Variants in UTRN observed in about 807,000 individuals in gnomAD.
The protein encoded by UTRN is utrophin.
In UTRN, 283 loss-of-function variants were observed where a neutral mutation model predicts 463.9. The ratio of observed to expected loss-of-function variants is 0.61; its 90% CI spans 0.55 to 0.67. The LOEUF is 0.67. Ranked by LOEUF, UTRN falls within the 30% of genes least tolerant of loss-of-function variation. The probability of loss-of-function intolerance (pLI) is 0.00; values close to 1 mark genes in which losing one functional copy is unlikely to be tolerated. For synonymous variants in UTRN, 1,442 were observed against 1,431.5 expected (o/e 1.01, Z -0.17); for missense variants, 3,922 against 4,084.3 (o/e 0.96, Z 1.08).
intron 54 of UTRN, among the ~76,000 whole-genome samples, chr6:144,744,091 C>T (rs1284698284): frequency 1.4e-5 from 2 of 145,876 alleles, no homozygotes; most frequent in Non-Finnish European, 3.0e-5. Flanking sequence ...AGTTTGAGAC[C>T]AGCCTGGGTA....
At chr6:144,684,626 G>C (rs953657835) in intron 52 of UTRN, among the ~76,000 whole-genome samples, 1 of 152,108 alleles carries the variant, frequency 6.6e-6, no homozygotes, top group Admixed American at 6.6e-5. Flanking sequence ...CTGGCCATGT[G>C]CATCTGAATG....
chr6:144,666,899 C>T (rs757236465), intron 51 of UTRN, among the ~76,000 whole-genome samples: 1 of 152,190 alleles, frequency 6.6e-6, no homozygotes, highest in African/African-American at 2.4e-5. Context: ...ATCGCCTGAT[C>T]TGATGTGAGA....
chr6:144,782,247 T>C (rs1156362836), intron 61 of UTRN, 124 bp downstream of exon 61: 4 of 822,034 alleles, frequency 4.9e-6, no homozygotes. Context: ...TGGAAATATT[T>C]ATGTTTGTTG....
At chr6:144,834,969 G>A (rs981945688) in intron 69 of UTRN, among the ~76,000 whole-genome samples, 1 of 152,206 alleles carries the variant, frequency 6.6e-6, no homozygotes, top group East Asian at 1.9e-4. Flanking sequence ...TGCCCTGCTA[G>A]TATTAGCCAG....
rs756359651 is a variant in UTRN, at chr6:144,423,555, G to C, written c.241G>C (p.Glu81Gln). 6.8e-6 allele frequency: 11 copies of C among 1,614,052 alleles called. No individual in the cohort carries two copies. Among genetic ancestry groups the C allele is most frequent in the Non-Finnish European group, 8.5e-7 (1 of 1,180,030 alleles). The change falls in exon 5 of 75, where the codon GAA (glutamate) becomes CAA (glutamine). Residue 81 changes from glutamate (E) to glutamine (Q), a missense_variant. Glu to Gln is a conservative substitution (Grantham distance 29). Around this residue, in one of 3 missense-constraint regions of UTRN, gnomAD observed 264 missense variants for 327.9 expected, o/e 0.81. Transcript: ENST00000367545. Reference sequence around the variant, plus strand: ...TTTTTGTTTTATTTTCCAGCCAAAGGAACGTGGTTCCACAAGGGTACATGC... The same window carrying C: ...TTTTTGTTTTATTTTCCAGCCAAAGCAACGTGGTTCCACAAGGGTACATGC... ...EGLTGTSLPK[E>Q]RGSTRVHALN...
chr6:144,639,039 A>C (rs1777497572), intron 51 of UTRN, among the ~76,000 whole-genome samples: 1 of 152,198 alleles, frequency 6.6e-6, no homozygotes, highest in South Asian at 2.1e-4. Flanking sequence ...ACTGCACTCC[A>C]GCCTAAGGGA....
At chr6:144,526,734 C>T (rs1796599793) in intron 41 of UTRN, among the ~76,000 whole-genome samples, 2 of 147,418 alleles carry the variant, frequency 1.4e-5, no homozygotes, top group Non-Finnish European at 3.0e-5. Flanking sequence ...TATTTGTTGC[C>T]TCAATACCTT....
intron 29 of UTRN, 130 bp downstream of exon 29, chr6:144,487,827 CAG>C: frequency 2.5e-6 from 2 of 792,716 alleles, no homozygotes; most frequent in Non-Finnish European, 3.8e-6. Context: ...CCAATGCTAA[CAG>C]GGGCATTGAG....
At chr6:144,417,978 A>G (rs1215363086) in intron 3 of UTRN, among the ~76,000 whole-genome samples, 3 of 152,052 alleles carry the variant, frequency 2.0e-5, no homozygotes, top group Non-Finnish European at 4.4e-5. Context: ...CCTTTCAGAT[A>G]TTGTTGATAT....
At chr6:144,510,780 T>C (rs1795098878) in intron 34 of UTRN, among the ~76,000 whole-genome samples, 164 bp from the exon 35 acceptor site, 1 of 152,234 alleles carries the variant, frequency 6.6e-6, no homozygotes, top group Admixed American at 6.5e-5. Context: ...ATTCTCACTA[T>C]GTTAATAAGT....
chr6:144,849,036 G>A (rs1410432634), intron 74 of UTRN, among the ~76,000 whole-genome samples: 1 of 151,990 alleles, frequency 6.6e-6, no homozygotes, highest in Non-Finnish European at 1.5e-5. Context: ...GTGTGAGAGG[G>A]TTATGAGGGA....
chr6:144,447,578 T>C, intron 15 of UTRN, 24 bp from the exon 16 acceptor site: 1 of 1,609,228 alleles, frequency 6.2e-7, no homozygotes, highest in Non-Finnish European at 8.5e-7. Flanking sequence ...AAAAGAGTCA[T>C]CTAATAAATA....
At chr6:144,775,763 A>G (rs1013763102) in intron 60 of UTRN, among the ~76,000 whole-genome samples, 6 of 152,166 alleles carry the variant, frequency 3.9e-5, no homozygotes, top group African/African-American at 1.4e-4. Context: ...GCTTTTTGTC[A>G]TTATGAACAT....
intron 2 of UTRN, among the ~76,000 whole-genome samples, chr6:144,328,193 CT>C (rs397946679): frequency 0.014 from 2,021 of 144,536 alleles, 8 homozygotes; most frequent in Non-Finnish European, 0.021. Flanking sequence ...AGTTTCTTTC[CT>C]TTTTTTTTTT....
rs965834526 is a variant in UTRN, at chr6:144,478,560, A to T, written c.3337-1252A>T. ...GGTTACCCTGTGGGGACAGTGGAAGAAAAGCTCTTGTTTGGTCCTGTCTAT... is the reference window on the plus strand; with the variant it reads ...GGTTACCCTGTGGGGACAGTGGAAGTAAAGCTCTTGTTTGGTCCTGTCTAT... On this transcript the variant is annotated intron_variant, in intron 25 of 74. Transcript: ENST00000367545. 2.6e-5 allele frequency among the ~76,000 whole-genome samples: 4 copies of T among 152,312 alleles called. 1 individual carries two copies. In the South Asian group the frequency reaches 8.3e-4, roughly 32 times the overall value.
chr6:144,826,316 T>C (rs1161917349), intron 66 of UTRN, among the ~76,000 whole-genome samples: 2 of 152,120 alleles, frequency 1.3e-5, no homozygotes, highest in Non-Finnish European at 2.9e-5. Flanking sequence ...AAGTAGGCAT[T>C]ATAGATACCT....
chr6:144,676,469 T>A (rs1237184671), intron 51 of UTRN, among the ~76,000 whole-genome samples: 1 of 152,154 alleles, frequency 6.6e-6, no homozygotes, highest in Non-Finnish European at 1.5e-5. Flanking sequence ...TGCATAAGCC[T>A]GAATATATCA....
chr6:144,646,617 A>G (rs909997087), intron 51 of UTRN, among the ~76,000 whole-genome samples: 1 of 152,116 alleles, frequency 6.6e-6, no homozygotes, highest in Non-Finnish European at 1.5e-5. Flanking sequence ...TTTATTCCCT[A>G]TCATAATACC....
intron 67 of UTRN, 26 bp downstream of exon 67, chr6:144,827,412 G>T (rs777009105): frequency 6.2e-7 from 1 of 1,613,076 alleles, no homozygotes; most frequent in Non-Finnish European, 8.5e-7. Context: ...CCACGTGCAG[G>T]AGAGGTGTTC....
Sources: allele counts gnomAD v4.1 joint callset (sites outside exome capture counted in the v4.1 genomes callset), GRCh38; gene constraint gnomAD v4.1.1; regional missense constraint gnomAD v4.1.1; transcripts MANE v1.5; gene names NCBI Gene and HGNC (gene_info 2026-07-23, HGNC 2026-07-21).